The following SGTA variants were observed in gnomAD, a reference collection of about 807,000 sequenced individuals.
SGTA encodes the protein small glutamine rich tetratricopeptide repeat co-chaperone alpha.
SGTA carries 22 observed loss-of-function variants against 44.3 expected under a neutral mutation model. The ratio of observed to expected loss-of-function variants is 0.50; its 90% confidence interval spans 0.36 to 0.71. The LOEUF (loss-of-function observed/expected upper bound fraction) is 0.71. Ranked by LOEUF, SGTA falls within the 30% of genes least tolerant of loss-of-function variation. The pLI is 0.00. For missense variants in SGTA, 341 were observed against 435.9 expected, an observed-to-expected ratio of 0.78 and a Z score of 1.94; for synonymous variants, 174 against 177.6, an observed-to-expected ratio of 0.98 and a Z score of 0.16.
At chr19:2,774,094 G>A (rs1411741527) in intron 1 of SGTA, among the ~76,000 whole-genome samples, 1 of 152,224 alleles carries the variant, frequency 6.6e-6, no homozygotes, top group African/African-American at 2.4e-5. Context: ...CCGGCCTCCA[G>A]GACTGAGAGA....
chr19:2,767,967 T>C lies in SGTA; in HGVS notation c.101-281A>G, dbSNP rs1915195934. 6.6e-6 allele frequency among the ~76,000 whole-genome samples: 1 copy of C among 152,102 alleles called. No homozygotes were observed. The highest frequency in any genetic ancestry group is 1.9e-4 in the East Asian group (1 of 5,182). ...ACCTCAGGCCTCTGTGGGGTCCCAA[T>C]GCTGGGGCTGCCCGGCTGCGGCGTG... On this transcript the variant is annotated intron_variant, in intron 2 of 11. Transcript: ENST00000221566. The surrounding 1 kb of genome is among the most constrained non-coding windows in gnomAD (Gnocchi z 7.3).
chr19:2,757,985 C>T (rs950633380), intron 9 of SGTA, among the ~76,000 whole-genome samples: 1 of 152,218 alleles, frequency 6.6e-6, no homozygotes, highest in African/African-American at 2.4e-5. Context: ...ACCCCTCTTT[C>T]TTTGGCCTAA....
At chr19:2,757,271 C>A in intron 11 of SGTA, 66 bp downstream of exon 11, 1 of 1,560,276 alleles carries the variant, frequency 6.4e-7, no homozygotes, top group Non-Finnish European at 8.6e-7. Context: ...GCTGCCCTCA[C>A]TGCCAGGCAC....
In SGTA at chr19:2,755,177, C is replaced by T. The variant is rs886909982; in HGVS notation, c.*763G>A. 13 of 155,134 alleles carry T rather than the reference C, an allele frequency of 8.4e-5. No individual in the cohort carries two copies. Among genetic ancestry groups the T allele is most frequent in the African/African-American group, 2.4e-4 (10 of 41,516 alleles). The allele number at this position is 155,134 out of a possible 1,614,324, so 9.6% of individuals were successfully genotyped here. ...ACGGCCCAGCTGCCTTCCCTGTGCC[C>T]GGGGCTAAGGCGGCCGGGACAGAAG... On this transcript the variant is annotated 3_prime_UTR_variant, in exon 12 of 12. Transcript: ENST00000221566. The surrounding 1 kb of genome is among the most constrained non-coding windows in gnomAD (Gnocchi z 5.2).
intron 9 of SGTA, among the ~76,000 whole-genome samples, chr19:2,758,713 A>G (rs747137536): frequency 3.3e-5 from 5 of 152,200 alleles, no homozygotes; most frequent in Non-Finnish European, 7.3e-5. Flanking sequence ...TTCACAACAG[A>G]CAAAAGGTAG....
Position 2,767,455 on chromosome 19 carries a change from GC to G in SGTA, c.207+124del. ...AAGTGCTCCTGCAGCCACGTCCCCA[GC>G]CCAGGAGAGGATGCAGGCAGAGTGC... On this transcript the variant is annotated intron_variant, in intron 3 of 11. Coordinates refer to ENST00000221566, the MANE Select transcript of SGTA (RefSeq NM_003021.4). The surrounding 1 kb of genome is among the most constrained non-coding windows in gnomAD (Gnocchi z 7.3). 1.2e-6 allele frequency: 1 copy of G among 862,416 alleles called. No homozygotes were observed. Among genetic ancestry groups the G allele is most frequent in the Non-Finnish European group, 1.9e-6 (1 of 534,698 alleles). The allele number at this position is 862,416 out of a possible 1,614,324, so 53.4% of individuals were successfully genotyped here.
chr19:2,780,837 A>C (rs1915557553), intron 1 of SGTA, among the ~76,000 whole-genome samples: 1 of 152,206 alleles, frequency 6.6e-6, no homozygotes, highest in Admixed American at 6.5e-5. Flanking sequence ...CTGTAATCAC[A>C]GAACTCTGGA....
At chr19:2,782,010 T>G (rs984864033) in intron 1 of SGTA, among the ~76,000 whole-genome samples, 1 of 152,028 alleles carries the variant, frequency 6.6e-6, no homozygotes, top group Non-Finnish European at 1.5e-5. Flanking sequence ...CCCAGCTAAT[T>G]TTCATATTTT....
At chr19:2,759,457 C>T (rs1459837305) in intron 8 of SGTA, 163 bp from the exon 9 acceptor site, 3 of 635,554 alleles carry the variant, frequency 4.7e-6, no homozygotes, top group Non-Finnish European at 5.6e-6. Context: ...CCTACATTTT[C>T]GCCCCCCCAC....
chr19:2,762,729 G>A, intron 6 of SGTA, 85 bp from the exon 7 acceptor site: 2 of 1,538,898 alleles, frequency 1.3e-6, no homozygotes, highest in Non-Finnish European at 1.8e-6. Context: ...GGCGGTCCTG[G>A]CAACCCCCAA....
chr19:2,755,668 C>T lies in SGTA; in HGVS notation c.*272G>A, dbSNP rs539219677. The T allele has an allele frequency of 1.4e-3, 1,347 of 985,460 alleles. No individual in the cohort carries two copies. Among genetic ancestry groups the T allele is most frequent in the Non-Finnish European group, 1.6e-3 (1,288 of 829,986 alleles). 61.0% of individuals were successfully genotyped at this position (985,460 alleles called of 1,614,324 possible). ...GGATTCTAGAAAACACTCAAGTGAC[C>T]GAGCTTTCTGGGGGCTGGAAGGGAG... On this transcript the variant is annotated 3_prime_UTR_variant, in exon 12 of 12. Coordinates refer to ENST00000221566, the MANE Select transcript of SGTA (RefSeq NM_003021.4). The surrounding 1 kb of genome is among the most constrained non-coding windows in gnomAD (Gnocchi z 5.2).
At position 2,767,818 on chromosome 19, in the gene SGTA, C is replaced by A. The variant is rs1478126536; in HGVS notation, c.101-132G>T. ...TCCCAAGGACCCCAGAACGCAGGGG[C>A]CGCCGCCTGTGCTCTGGGCTGGGAC... On this transcript the variant is annotated intron_variant, in intron 2 of 11. Coordinates refer to ENST00000221566, the MANE Select transcript of SGTA (RefSeq NM_003021.4). This position sits in a 1 kb window ranked among gnomAD's most constrained non-coding sequence, Gnocchi z 7.3. 1 of 693,854 alleles carries A rather than the reference C, an allele frequency of 1.4e-6. No individual in the cohort carries two copies. Among genetic ancestry groups the A allele is most frequent in the East Asian group, 2.7e-5 (1 of 36,744 alleles). 43.0% of individuals were successfully genotyped at this position (693,854 alleles called of 1,614,324 possible).
Position 2,763,760 on chromosome 19 carries a change from G to A in SGTA, c.393-3C>T, listed in dbSNP as rs1915067580. 6.2e-7 allele frequency: 1 copy of A among 1,612,354 alleles called. No homozygotes were observed. The highest frequency in any genetic ancestry group is 8.5e-7 in the Non-Finnish European group (1 of 1,179,424). Reference sequence around the variant, plus strand: ...CGAGTTTGCTGTAGGCTGCGGCTCTGGGGAAGAAAAGGCAGGGCAGGTCCC... The same window carrying A: ...CGAGTTTGCTGTAGGCTGCGGCTCTAGGGAAGAAAAGGCAGGGCAGGTCCC... On this transcript the variant is annotated splice_region_variant and splice_polypyrimidine_tract_variant and intron_variant, in intron 5 of 11. Transcript: ENST00000221566. The surrounding 1 kb of genome is among the most constrained non-coding windows in gnomAD (Gnocchi z 5.8).
chr19:2,755,330 G>C lies in SGTA; in HGVS notation c.*610C>G. On this transcript the variant is annotated 3_prime_UTR_variant, in exon 12 of 12. Transcript: ENST00000221566. This position sits in a 1 kb window ranked among gnomAD's most constrained non-coding sequence, Gnocchi z 5.2. ...AAACTGGTCCTATGCACCCAGGACG[G>C]CTCCTGAGCCGCGGAGGCGTGGGGT... 1 of 888,720 alleles carries C rather than the reference G, an allele frequency of 1.1e-6. No homozygotes were observed. The highest frequency in any genetic ancestry group is 1.4e-6 in the Non-Finnish European group (1 of 739,594). The allele number at this position is 888,720 out of a possible 1,614,324, so 55.1% of individuals were successfully genotyped here. A position where few individuals can be genotyped will look rare whatever the true frequency, so the allele number is the denominator to read the frequency against.
At chr19:2,768,790 C>T (rs1915219539) in intron 2 of SGTA, among the ~76,000 whole-genome samples, 179 bp downstream of exon 2, 1 of 152,234 alleles carries the variant, frequency 6.6e-6, no homozygotes, top group Admixed American at 6.5e-5. Context: ...CTCAGCTCGG[C>T]CCTGGCTCCC....
intron 1 of SGTA, among the ~76,000 whole-genome samples, chr19:2,772,101 C>T (rs779931807): frequency 2.5e-4 from 38 of 152,256 alleles, no homozygotes; most frequent in Non-Finnish European, 5.3e-4. Context: ...CTTAGTTGCA[C>T]TCTGTGTGCC....
Position 2,757,412 on chromosome 19 carries a change from C to G in SGTA, c.873G>C (p.Leu291Phe), listed in dbSNP as rs757285414. The G allele has an allele frequency of 6.2e-7, 1 of 1,609,114 alleles. No homozygotes were observed. Among genetic ancestry groups the G allele is most frequent in the South Asian group, 1.1e-5 (1 of 91,084 alleles). The change falls in exon 11 of 12, where the codon TTG (leucine) becomes TTC (phenylalanine). Residue 291 changes from leucine (L) to phenylalanine (F), a missense_variant. By Grantham distance (22) the Leu-to-Phe change is conservative. Transcript: ENST00000221566. ...AQQMQQQNPE[L>F]IEQLRSQIRS... ...GGATCTGGCTCCTGAGCTGCTCTAT[C>G]AACTCTGGGTTCTGCTGCTGCATCT...
At position 2,755,812 on chromosome 19, in the gene SGTA, GA is replaced by G; in HGVS notation, c.*127del. Reference sequence around the variant, plus strand: ...GAGATAAAAGGGGAAAATCCATCTTGACATGCAGGTCCGAGGTCTCTCTCTT... The same window carrying G: ...GAGATAAAAGGGGAAAATCCATCTTGCATGCAGGTCCGAGGTCTCTCTCTT... On this transcript the variant is annotated 3_prime_UTR_variant, in exon 12 of 12. Transcript: ENST00000221566. This position sits in a 1 kb window ranked among gnomAD's most constrained non-coding sequence, Gnocchi z 5.2. The G allele has an allele frequency of 1.0e-6, 1 of 985,534 alleles. No homozygotes were observed. Among genetic ancestry groups the G allele is most frequent in the Non-Finnish European group, 1.2e-6 (1 of 830,004 alleles). The allele number at this position is 985,534 out of a possible 1,614,324, so 61.0% of individuals were successfully genotyped here.
chr19:2,770,087 C>G (rs1372001993), intron 1 of SGTA: 1 of 154,228 alleles, frequency 6.5e-6, no homozygotes, highest in Admixed American at 6.8e-5. Context: ...CTCCTGGATG[C>G]CCCCTCGGAC....
Sources: allele counts gnomAD v4.1 joint callset (sites outside exome capture counted in the v4.1 genomes callset), GRCh38; gene constraint gnomAD v4.1.1; non-coding constraint Gnocchi (gnomAD v3.1); transcripts MANE v1.5; gene names NCBI Gene and HGNC (gene_info 2026-07-23, HGNC 2026-07-21).